The following STARD13 variants were observed in gnomAD, a reference collection of about 807,000 sequenced individuals.
The protein encoded by STARD13 is StAR related lipid transfer domain containing 13.
Under a neutral mutation model 106.4 loss-of-function variants are expected in STARD13, and 62 were observed. That is an observed-to-expected ratio of 0.58 (90% CI 0.48 to 0.72). The LOEUF (loss-of-function observed/expected upper bound fraction) is 0.72. Ranked by LOEUF, STARD13 falls within the 30% of genes least tolerant of loss-of-function variation. The pLI is 0.00. For synonymous variants in STARD13, 565 were observed against 553.0 expected, an observed-to-expected ratio of 1.02 and a Z score of -0.31; for missense variants, 1,387 against 1,424.0, an observed-to-expected ratio of 0.97 and a Z score of 0.42.
the STARD13 span, among the ~76,000 whole-genome samples, chr13:33,504,413 A>G: frequency 6.6e-6 from 1 of 152,098 alleles, no homozygotes; most frequent in Non-Finnish European, 1.5e-5. Flanking sequence ...CACCATGGAA[A>G]ACTATGCACC....
intron 1 of STARD13, among the ~76,000 whole-genome samples, chr13:33,204,956 T>G (rs1056256520): frequency 6.6e-6 from 1 of 152,224 alleles, no homozygotes; most frequent in Non-Finnish European, 1.5e-5. Context: ...GTGTAAATTG[T>G]AAAAGAATTG....
At chr13:33,121,630 T>C (rs140296075) in intron 7 of STARD13, among the ~76,000 whole-genome samples, 1 of 150,742 alleles carries the variant, frequency 6.6e-6, no homozygotes, top group Non-Finnish European at 1.5e-5. Context: ...AAGAGATAGT[T>C]TTCCACATAA....
chr13:33,675,372 T>C, the STARD13 span, among the ~76,000 whole-genome samples: 1 of 152,188 alleles, frequency 6.6e-6, no homozygotes, highest in Non-Finnish European at 1.5e-5. Flanking sequence ...AGCTTAGTTC[T>C]GGAAAGGAAA....
chr13:33,238,563 T>C (rs969626180), intron 1 of STARD13, among the ~76,000 whole-genome samples: 1 of 152,094 alleles, frequency 6.6e-6, no homozygotes, highest in Admixed American at 6.6e-5. Context: ...GATCCCAGGG[T>C]GTAAATTTTT....
intron 1 of STARD13, among the ~76,000 whole-genome samples, chr13:33,181,182 T>G (rs568700708): frequency 6.6e-6 from 1 of 152,264 alleles, no homozygotes; most frequent in East Asian, 1.9e-4. Context: ...ATCAGCTTTG[T>G]CCTGCTCTGT....
At chr13:33,264,326 A>G (rs751047348) in intron 1 of STARD13, among the ~76,000 whole-genome samples, 1 of 152,220 alleles carries the variant, frequency 6.6e-6, no homozygotes, top group Non-Finnish European at 1.5e-5. Context: ...AGTTTGGGAC[A>G]GTTTGTTACA....
intron 3 of STARD13, among the ~76,000 whole-genome samples, chr13:33,163,605 A>AC (rs1555239807): frequency 1.0e-5 from 1 of 97,628 alleles, no homozygotes; most frequent in Non-Finnish European, 2.0e-5. Context: ...AAAAAAAAAA[A>AC]ATATATATAT....
the STARD13 span, among the ~76,000 whole-genome samples, chr13:33,488,967 C>A: frequency 6.6e-6 from 1 of 152,200 alleles, no homozygotes; most frequent in South Asian, 2.1e-4. Flanking sequence ...CCCTCAGATT[C>A]ATTACACTCA....
chr13:33,563,733 C>T, the STARD13 span, among the ~76,000 whole-genome samples: 2 of 147,626 alleles, frequency 1.4e-5, no homozygotes, highest in Non-Finnish European at 3.0e-5. Context: ...AATGGAATTA[C>T]ATCCAGCCTA....
chr13:33,611,243 C>T, the STARD13 span: 1 of 152,334 alleles, frequency 6.6e-6, no homozygotes, highest in Non-Finnish European at 1.5e-5. Context: ...GCTCCGCGCT[C>T]CACTGTGCTG....
intron 3 of STARD13, among the ~76,000 whole-genome samples, chr13:33,153,636 A>C (rs1881584316): frequency 6.6e-6 from 1 of 151,746 alleles, no homozygotes; most frequent in African/African-American, 2.4e-5. Context: ...AAACAATAGG[A>C]CTCTCTCCTT....
At chr13:33,145,730 CAGAGTCATTATGCTA>C (rs1251605391) in intron 3 of STARD13, among the ~76,000 whole-genome samples, 2 of 152,132 alleles carry the variant, frequency 1.3e-5, no homozygotes, top group African/African-American at 4.8e-5. Context: ...ACATGAATCT[CAGAGTCATTATGCTA>C]AGTAAAAGAA....
upstream of STARD13, chr13:33,350,680 T>C (rs1471439501): frequency 8.7e-7 from 1 of 1,148,236 alleles, no homozygotes; most frequent in Admixed American, 4.9e-5. Flanking sequence ...TTCCTTCTCC[T>C]CCCCTCCTCC....
the STARD13 span, among the ~76,000 whole-genome samples, chr13:33,446,502 C>G: frequency 6.6e-6 from 1 of 151,778 alleles, no homozygotes; most frequent in East Asian, 1.9e-4. Context: ...TTAATCTTCC[C>G]TGATTTCCTA....
chr13:33,521,935 G>A, the STARD13 span, among the ~76,000 whole-genome samples: 6 of 152,080 alleles, frequency 3.9e-5, no homozygotes, highest in African/African-American at 1.4e-4. Flanking sequence ...ATTCCCTTAA[G>A]AGGCAATAGA....
At chr13:33,443,408 A>C in the STARD13 span, among the ~76,000 whole-genome samples, 2 of 150,342 alleles carry the variant, frequency 1.3e-5, no homozygotes, top group East Asian at 2.0e-4. Context: ...TAGGATGATA[A>C]ATTTTATGTT....
At chr13:33,429,387 C>T in the STARD13 span, among the ~76,000 whole-genome samples, 8 of 152,100 alleles carry the variant, frequency 5.3e-5, no homozygotes, top group South Asian at 1.2e-3. Context: ...ACGAGGTCAG[C>T]AGATTGAGAC....
upstream of STARD13, chr13:33,285,870 C>G (rs1309901463): frequency 6.3e-5 from 60 of 949,546 alleles, no homozygotes; most frequent in Non-Finnish European, 8.3e-5. Flanking sequence ...TGCAGTCAGC[C>G]CTAAGCCCCG....
intron 1 of STARD13, among the ~76,000 whole-genome samples, chr13:33,185,422 A>T (rs181734436): frequency 6.6e-6 from 1 of 152,354 alleles, no homozygotes; most frequent in Non-Finnish European, 1.5e-5. Flanking sequence ...AGATAACTTC[A>T]GAGACAAAAC....
Sources: gnomAD v4.1 joint callset for allele counts (sites outside exome capture counted in the v4.1 genomes callset) on GRCh38, gnomAD v4.1.1 for gene constraint, MANE v1.5 for transcripts, NCBI Gene and HGNC (gene_info 2026-07-23, HGNC 2026-07-21) for gene names.